Variants in EPHA6 observed in about 807,000 individuals in gnomAD.
The protein encoded by EPHA6 is ephrin type-A receptor 6.
In EPHA6, 50 loss-of-function variants were observed where a neutral mutation model predicts 112.0. The observed-to-expected ratio is 0.45, with a 90% CI of 0.36 to 0.56. The LOEUF (loss-of-function observed/expected upper bound fraction) is 0.56. Ranked by LOEUF, EPHA6 falls within the 20% of genes least tolerant of loss-of-function variation. The probability of loss-of-function intolerance (pLI) is 0.00; values close to 1 mark genes in which losing one functional copy is unlikely to be tolerated. For synonymous variants in EPHA6, 529 were observed against 490.7 expected, an observed-to-expected ratio of 1.08 and a Z score of -1.03; for missense variants, 1,280 against 1,417.4, an observed-to-expected ratio of 0.90 and a Z score of 1.56.
At chr3:97,290,541 T>C (rs2080641585) in intron 5 of EPHA6, among the ~76,000 whole-genome samples, 1 of 152,158 alleles carries the variant, frequency 6.6e-6, no homozygotes, top group Non-Finnish European at 1.5e-5. Flanking sequence ...TTGAAACCCA[T>C]GTGGGGAGAC....
intron 3 of EPHA6, among the ~76,000 whole-genome samples, chr3:97,081,693 G>T (rs564435352): frequency 6.6e-6 from 1 of 151,506 alleles, no homozygotes; most frequent in Non-Finnish European, 1.5e-5. Context: ...ACTTGCATTC[G>T]CTGTAGTATT....
At chr3:97,176,276 A>G (rs773813904) in intron 3 of EPHA6, among the ~76,000 whole-genome samples, 14 of 151,962 alleles carry the variant, frequency 9.2e-5, no homozygotes, top group African/African-American at 1.9e-4. Context: ...GATCTTTCTA[A>G]TATATTGTTG....
chr3:97,209,407 C>T (rs377528003), intron 3 of EPHA6, among the ~76,000 whole-genome samples: 5 of 152,226 alleles, frequency 3.3e-5, no homozygotes, highest in Non-Finnish European at 4.4e-5. Flanking sequence ...GGCTTGCTTA[C>T]GTATCATCTC....
At chr3:96,972,141 A>G (rs919373632) in intron 2 of EPHA6, among the ~76,000 whole-genome samples, 8 of 152,064 alleles carry the variant, frequency 5.3e-5, no homozygotes, top group African/African-American at 1.4e-4. Flanking sequence ...TTTGGATTCT[A>G]TATCTTTCAA....
intron 1 of EPHA6, among the ~76,000 whole-genome samples, chr3:96,815,646 C>T (rs1215613337): frequency 1.3e-5 from 2 of 152,042 alleles, no homozygotes; most frequent in Non-Finnish European, 2.9e-5. Flanking sequence ...TGTGAATACC[C>T]TATTCATGAA....
intron 5 of EPHA6, among the ~76,000 whole-genome samples, chr3:97,403,724 G>T (rs541016458): frequency 5.3e-5 from 8 of 152,306 alleles, no homozygotes; most frequent in African/African-American, 1.9e-4. Flanking sequence ...GGGATTACAG[G>T]CGTGAGCCAC....
Position 96,987,340 on chromosome 3 carries a change from T to C in EPHA6, c.461T>C (p.Ile154Thr). The stretch of plus-strand genomic sequence containing the variant: ...TTTCCCTTTTTGCAGTGGGATGCCA[T>C]CACTGAAATGGATGAACATAATAGG... ...KTYPLNGWDA[I>T]TEMDEHNRPI... Residue 154 changes from isoleucine to threonine, a missense_variant, in exon 3 of 18, where the codon ATC (isoleucine) becomes ACC (threonine). Physicochemically the swap from Ile to Thr is moderately conservative, Grantham distance 89 (BLOSUM62 -1). Coordinates refer to ENST00000389672, the MANE Select transcript of EPHA6 (RefSeq NM_001080448.3). The C allele has an allele frequency of 6.3e-7, 1 of 1,593,770 alleles. No homozygotes were observed. The highest frequency in any genetic ancestry group is 8.6e-7 in the Non-Finnish European group (1 of 1,164,682).
intron 12 of EPHA6, among the ~76,000 whole-genome samples, chr3:97,595,872 C>T (rs765599385): frequency 1.7e-4 from 25 of 150,988 alleles, no homozygotes; most frequent in Middle Eastern, 3.5e-3. Context: ...GAATGTGTCC[C>T]TCTTTTAAAT....
intron 4 of EPHA6, among the ~76,000 whole-genome samples, chr3:97,229,690 T>C (rs2078465761): frequency 6.6e-6 from 1 of 152,304 alleles, no homozygotes; most frequent in South Asian, 2.1e-4. Flanking sequence ...TAAACTTAAC[T>C]AATGCAGTTC....
chr3:97,597,050 G>A lies in EPHA6; in HGVS notation c.2512+4313G>A, dbSNP rs564251803. On this transcript the variant is annotated intron_variant, in intron 12 of 17. Transcript: ENST00000389672. ...AACAAGTTTAAGATATCAATTATAAGAGAAGTCTATGAAAGAGAGAACTAG... is the reference window on the plus strand; with the variant it reads ...AACAAGTTTAAGATATCAATTATAAAAGAAGTCTATGAAAGAGAGAACTAG... Among the ~76,000 whole-genome samples the A allele has an allele frequency of 4.0e-5, 6 of 151,496 alleles. No individual in the cohort carries two copies. In the South Asian group the frequency reaches 1.3e-3, roughly 32 times the overall value.
At chr3:97,576,953 A>G (rs1243763570) in intron 11 of EPHA6, among the ~76,000 whole-genome samples, 1 of 152,216 alleles carries the variant, frequency 6.6e-6, no homozygotes, top group Non-Finnish European at 1.5e-5. Context: ...ATGTGGAAGC[A>G]CATCTCAAAG....
At chr3:97,214,038 T>TGTGTGTGTGTGTGTGAGAGAGA (rs1491420279) in intron 3 of EPHA6, among the ~76,000 whole-genome samples, 5 of 77,836 alleles carry the variant, frequency 6.4e-5, no homozygotes, top group African/African-American at 1.7e-4. Context: ...TGTGTGTGTG[T>TGTGTGTGTGTGTGTGAGAGAGA]GAGAGAGAGA....
chr3:96,871,460 C>G (rs2036618261), intron 2 of EPHA6, among the ~76,000 whole-genome samples: 2 of 151,818 alleles, frequency 1.3e-5, no homozygotes, highest in African/African-American at 2.4e-5. Context: ...CTATATAGAC[C>G]ATTTGTTTCT....
At chr3:97,014,853 C>T (rs1405196944) in intron 3 of EPHA6, among the ~76,000 whole-genome samples, 1 of 152,008 alleles carries the variant, frequency 6.6e-6, no homozygotes, top group Non-Finnish European at 1.5e-5. Flanking sequence ...TGTCTGATGG[C>T]CATGGAGTAG....
At chr3:97,025,294 A>C (rs1238630514) in intron 3 of EPHA6, among the ~76,000 whole-genome samples, 1 of 152,194 alleles carries the variant, frequency 6.6e-6, no homozygotes, top group Non-Finnish European at 1.5e-5. Context: ...TGAGACAGGA[A>C]GAGAAAGGGA....
intron 5 of EPHA6, among the ~76,000 whole-genome samples, chr3:97,303,383 G>A (rs2081177154): frequency 1.3e-5 from 2 of 151,934 alleles, no homozygotes; most frequent in African/African-American, 2.4e-5. Flanking sequence ...TTCAAACAAG[G>A]TGTTAAATAG....
chr3:97,547,708 A>T (rs1372728962), intron 11 of EPHA6, among the ~76,000 whole-genome samples: 1 of 152,202 alleles, frequency 6.6e-6, no homozygotes, highest in African/African-American at 2.4e-5. Context: ...GGTGGGCTCC[A>T]CCCAGTTCGA....
chr3:97,623,289 A>G lies in EPHA6; in HGVS notation c.2574+12435A>G, dbSNP rs2093828667. ...TTGAGTTAATTTTTACATATGTTTTAGGTAAAGATTGAACTTCATCATTTT... is the reference window on the plus strand; with the variant it reads ...TTGAGTTAATTTTTACATATGTTTTGGGTAAAGATTGAACTTCATCATTTT... On this transcript the variant is annotated intron_variant, in intron 13 of 17. Transcript: ENST00000389672. 2.0e-5 allele frequency among the ~76,000 whole-genome samples: 3 copies of G among 151,828 alleles called. No homozygotes were observed. In the South Asian group the frequency reaches 6.2e-4, roughly 31 times the overall value.
At chr3:96,897,822 A>G (rs2038366815) in intron 2 of EPHA6, among the ~76,000 whole-genome samples, 2 of 152,296 alleles carry the variant, frequency 1.3e-5, no homozygotes, top group South Asian at 4.1e-4. Flanking sequence ...TGTAACAGAC[A>G]TTTTCAGCAC....
Sources: gnomAD v4.1 joint callset for allele counts (sites outside exome capture counted in the v4.1 genomes callset) on GRCh38, gnomAD v4.1.1 for gene constraint, MANE v1.5 for transcripts, NCBI Gene and HGNC (gene_info 2026-07-23, HGNC 2026-07-21) for gene names.